The following NRG2 variants were observed in gnomAD, a reference collection of about 807,000 sequenced individuals.
NRG2 encodes the protein pro-neuregulin-2, membrane-bound isoform.
In NRG2, 27 loss-of-function variants were observed where a neutral mutation model predicts 73.9. That is an observed-to-expected ratio of 0.37 (90% CI 0.27 to 0.50). The LOEUF (loss-of-function observed/expected upper bound fraction) is 0.50, where lower values mean the gene tolerates loss of function less well. Ranked by LOEUF, NRG2 falls within the 20% of genes least tolerant of loss-of-function variation. The probability of loss-of-function intolerance (pLI) is 0.96; values close to 1 mark genes in which losing one functional copy is unlikely to be tolerated. For synonymous variants in NRG2, 532 were observed against 541.0 expected (o/e 0.98, Z 0.23); for missense variants, 1,126 against 1,210.1 (o/e 0.93, Z 1.03).
At position 139,870,156 on chromosome 5, in the gene NRG2, G is replaced by C. The variant is rs1487589211; in HGVS notation, c.1112+1565C>G. 6.6e-6 allele frequency among the ~76,000 whole-genome samples: 1 copy of C among 152,156 alleles called. No individual in the cohort carries two copies. The highest frequency in any genetic ancestry group is 1.5e-5 in the Non-Finnish European group (1 of 68,026). The stretch of plus-strand genomic sequence containing the variant: ...ACCCTGATGAATTTCTAGTAGATCT[G>C]TTCCAAAGAACTCTGAGCAAGTTTC... On this transcript the variant is annotated intron_variant, in intron 4 of 9. Transcript: ENST00000361474. The surrounding 1 kb of genome is among the most constrained non-coding windows in gnomAD (Gnocchi z 4.4).
At chr5:139,925,718 G>A (rs913775357) in intron 1 of NRG2, among the ~76,000 whole-genome samples, 32 of 152,232 alleles carry the variant, frequency 2.1e-4, no homozygotes, top group African/African-American at 6.3e-4. Flanking sequence ...ATGTACAACC[G>A]TGCTGGCAGA....
chr5:140,019,713 G>A (rs936001672), intron 1 of NRG2: 1 of 152,166 alleles, frequency 6.6e-6, no homozygotes, highest in Non-Finnish European at 1.5e-5. Context: ...TGGAAAGGGA[G>A]GGCCCACCTC....
chr5:139,947,358 T>G (rs918421956), intron 1 of NRG2, among the ~76,000 whole-genome samples: 1 of 152,206 alleles, frequency 6.6e-6, no homozygotes, highest in Non-Finnish European at 1.5e-5. Flanking sequence ...ACTGGCTTCT[T>G]TCACTTAGAA....
chr5:139,950,877 CCT>C (rs1479418984), intron 1 of NRG2, among the ~76,000 whole-genome samples: 6 of 152,218 alleles, frequency 3.9e-5, no homozygotes, highest in Non-Finnish European at 4.4e-5. Context: ...CCACTCAGCC[CCT>C]CTCCCAGCCA....
rs1166074601 is a variant in NRG2, at chr5:140,008,752, G to C, written c.700+33618C>G. On this transcript the variant is annotated intron_variant, in intron 1 of 9. Transcript: ENST00000361474. The surrounding 1 kb of genome is among the most constrained non-coding windows in gnomAD (Gnocchi z 4.2). ...AATGATATGACCAGAGACTCAACTGGTGAGTTCAAAAAAATAAATGCATGA... is the reference window on the plus strand; with the variant it reads ...AATGATATGACCAGAGACTCAACTGCTGAGTTCAAAAAAATAAATGCATGA... Among the ~76,000 whole-genome samples the C allele has an allele frequency of 6.6e-6, 1 of 152,178 alleles. No individual in the cohort carries two copies. Among genetic ancestry groups the C allele is most frequent in the Admixed American group, 6.5e-5 (1 of 15,270 alleles).
At chr5:139,928,142 C>T (rs1313722796) in intron 1 of NRG2, among the ~76,000 whole-genome samples, 1 of 152,158 alleles carries the variant, frequency 6.6e-6, no homozygotes, top group Non-Finnish European at 1.5e-5. Context: ...CCCTTTCTGA[C>T]CAGGACTCTT....
At chr5:140,003,042 C>CT (rs1160762620) in intron 1 of NRG2, among the ~76,000 whole-genome samples, 1 of 152,118 alleles carries the variant, frequency 6.6e-6, no homozygotes, top group Non-Finnish European at 1.5e-5. Flanking sequence ...ATCCAGGCAA[C>CT]TTTTTTTCCC....
At chr5:139,938,708 C>A (rs1753036912) in intron 1 of NRG2, among the ~76,000 whole-genome samples, 1 of 151,434 alleles carries the variant, frequency 6.6e-6, no homozygotes, top group Admixed American at 6.6e-5. Flanking sequence ...CAATAGAACA[C>A]AATAGACTAT....
intron 1 of NRG2, among the ~76,000 whole-genome samples, chr5:139,998,128 C>CA (rs2126613290): frequency 6.6e-6 from 1 of 152,088 alleles, no homozygotes; most frequent in East Asian, 1.9e-4. Context: ...AGTCAAAAGT[C>CA]AAAGACTCTA....
At chr5:139,967,266 C>A (rs1476894624) in intron 1 of NRG2, among the ~76,000 whole-genome samples, 1 of 152,174 alleles carries the variant, frequency 6.6e-6, no homozygotes, top group East Asian at 1.9e-4. Context: ...TACCTTGTAT[C>A]CCACTCAGCC....
At chr5:139,903,791 C>A (rs980292884) in intron 1 of NRG2, among the ~76,000 whole-genome samples, 1 of 152,242 alleles carries the variant, frequency 6.6e-6, no homozygotes, top group Middle Eastern at 3.2e-3. Context: ...GCATCCCCTC[C>A]GAGTCTCCGG....
Position 139,928,484 on chromosome 5 carries a change from T to C in NRG2, c.701-40973A>G, listed in dbSNP as rs138863243. On this transcript the variant is annotated intron_variant, in intron 1 of 9. Transcript: ENST00000361474. ...TGTTGTCCTTGTCTCATTCTTCCAC[T>C]AATTTATTCCTCTTTTCTAGAAGCA... 1.5e-3 allele frequency among the ~76,000 whole-genome samples: 235 copies of C among 152,322 alleles called. 3 individuals carry two copies. Among genetic ancestry groups the C allele is most frequent in the Admixed American group, 6.8e-3 (104 of 15,292 alleles).
Position 139,853,063 on chromosome 5 carries a change from C to T in NRG2, c.1293-36G>A. ...GAAGGGAAGGTGAGGCTGGCATTCC[C>T]CCCACTCGCCAACGATGAACTTCCC... is the stretch of plus-strand genomic sequence containing the variant. On this transcript the variant is annotated intron_variant, in intron 6 of 9. Transcript: ENST00000361474. The surrounding 1 kb of genome is among the most constrained non-coding windows in gnomAD (Gnocchi z 4.1). 1.2e-6 allele frequency: 2 copies of T among 1,610,852 alleles called. No homozygotes were observed. Among genetic ancestry groups the T allele is most frequent in the Non-Finnish European group, 8.5e-7 (1 of 1,178,946 alleles).
chr5:139,882,919 A>G (rs929806248), intron 2 of NRG2, among the ~76,000 whole-genome samples: 36 of 152,174 alleles, frequency 2.4e-4, no homozygotes, highest in Non-Finnish European at 1.2e-4. Flanking sequence ...AGAAAGAGGC[A>G]GGGGACAGAG....
At chr5:139,974,835 G>T (rs959589557) in intron 1 of NRG2, among the ~76,000 whole-genome samples, 6 of 152,176 alleles carry the variant, frequency 3.9e-5, no homozygotes, top group Admixed American at 3.9e-4. Context: ...CCTTTAGGGG[G>T]CCTCTGCTTC....
intron 1 of NRG2, among the ~76,000 whole-genome samples, chr5:139,956,312 G>C (rs551560691): frequency 8.2e-4 from 124 of 152,146 alleles, no homozygotes; most frequent in African/African-American, 2.9e-3. Context: ...TGACCAGCTA[G>C]CACCTCCCCC....
intron 5 of NRG2, among the ~76,000 whole-genome samples, chr5:139,859,712 C>T (rs552771698): frequency 6.6e-5 from 10 of 152,290 alleles, no homozygotes; most frequent in African/African-American, 1.9e-4. Flanking sequence ...CTTCTTTCGT[C>T]TCCTGCTAAA....
At chr5:139,944,612 G>A (rs1753666203) in intron 1 of NRG2, among the ~76,000 whole-genome samples, 1 of 152,118 alleles carries the variant, frequency 6.6e-6, no homozygotes, top group Non-Finnish European at 1.5e-5. Context: ...TGGCTGAATA[G>A]TATTCCATTG....
chr5:139,909,850 C>A lies in NRG2; in HGVS notation c.701-22339G>T, dbSNP rs1475106375. On this transcript the variant is annotated intron_variant, in intron 1 of 9. Coordinates refer to ENST00000361474, the MANE Select transcript of NRG2 (RefSeq NM_004883.3). ...GTGCATGGGGGCCAGACCCAGTTGC[C>A]TAGGCCTGGAGAGCCCCCTAATGCA... 1.3e-5 allele frequency among the ~76,000 whole-genome samples: 2 copies of A among 152,226 alleles called. 1 individual carries two copies. Among genetic ancestry groups the A allele is most frequent in the East Asian group, 3.8e-4 (2 of 5,198 alleles).
Sources: gnomAD v4.1 joint callset for allele counts (sites outside exome capture counted in the v4.1 genomes callset) on GRCh38, gnomAD v4.1.1 for gene constraint, Gnocchi (gnomAD v3.1) non-coding constraint, MANE v1.5 for transcripts, NCBI Gene and HGNC (gene_info 2026-07-23, HGNC 2026-07-21) for gene names.